The following CMC4 variants were observed in gnomAD, a reference collection of about 807,000 sequenced individuals.
The protein encoded by CMC4 is C-X9-C motif containing 4, also known as cx9C motif-containing protein 4.
Under a neutral mutation model 5.1 loss-of-function variants are expected in CMC4, and 4 were observed. The ratio of observed to expected loss-of-function variants is 0.78; its 90% CI spans 0.38 to 1.78. CMC4 has a LOEUF of 1.78. Among genes scored for constraint, CMC4 ranks in the 40% most tolerant of loss-of-function variants. The pLI, the probability that CMC4 is intolerant of heterozygous loss-of-function variation, is 0.04. For synonymous variants in CMC4, 23 were observed against 18.9 expected (o/e 1.22, Z -0.57); for missense variants, 52 against 51.3 (o/e 1.01, Z -0.04).
chrX:155,063,101 T>C (rs2073934659), intron 2 of CMC4, among the ~76,000 whole-genome samples: 1 of 112,336 alleles, frequency 8.9e-6, no homozygotes, highest in Admixed American at 9.4e-5. Context: ...TTCCTTAAAG[T>C]TGGAGGGAAG....
At chrX:155,068,151 A>G (rs1200968378) in intron 1 of CMC4, among the ~76,000 whole-genome samples, 1 of 112,654 alleles carries the variant, frequency 8.9e-6, no homozygotes, top group Non-Finnish European at 1.9e-5. Flanking sequence ...TCTCAATTTC[A>G]TAGATAGGTC....
intron 1 of CMC4, among the ~76,000 whole-genome samples, chrX:155,066,305 G>T (rs1385781117): frequency 1.8e-5 from 2 of 112,656 alleles, no homozygotes; most frequent in Non-Finnish European, 3.7e-5. Flanking sequence ...GAGGAGTTCT[G>T]TGGAAATGTA....
chrX:155,068,905 A>T (rs1213883601), intron 1 of CMC4, among the ~76,000 whole-genome samples: 2 of 112,468 alleles, frequency 1.8e-5, no homozygotes, highest in African/African-American at 6.5e-5. Context: ...AACTTGTGCA[A>T]CTCAACTCAA....
intron 1 of CMC4, 110 bp downstream of exon 1, chrX:155,070,584 A>G (rs1488337195): frequency 8.9e-6 from 1 of 112,761 alleles, no homozygotes; most frequent in Non-Finnish European, 1.9e-5. Flanking sequence ...CCTTCCCTGT[A>G]TCCAACAAAT....
chrX:155,063,389 T>C (rs781782979), intron 2 of CMC4, among the ~76,000 whole-genome samples: 1 of 112,528 alleles, frequency 8.9e-6, no homozygotes, highest in African/African-American at 3.2e-5. Flanking sequence ...GCCTTATAGC[T>C]TTTTCTATTT....
intron 1 of CMC4, chrX:155,065,948 G>A (rs2073946656): frequency 1.7e-6 from 2 of 1,210,336 alleles, no homozygotes; most frequent in Admixed American, 4.4e-5. Flanking sequence ...ATTCGTCGCG[G>A]TAGATACCCT....
intron 1 of CMC4, chrX:155,066,087 T>A (rs2073947305): frequency 1.2e-6 from 1 of 837,529 alleles, no homozygotes; most frequent in African/African-American, 2.0e-5. Flanking sequence ...GACACAGGTG[T>A]GACTTTTTGG....
At chrX:155,066,120 G>A in intron 1 of CMC4, 1 of 545,828 alleles carries the variant, frequency 1.8e-6, no homozygotes, top group Non-Finnish European at 3.0e-6. Context: ...TCACCAGTAA[G>A]CAAGGTGATC....
At chrX:155,069,941 C>T (rs782704231) in intron 1 of CMC4, among the ~76,000 whole-genome samples, 1 of 112,224 alleles carries the variant, frequency 8.9e-6, no homozygotes, top group South Asian at 3.7e-4. Flanking sequence ...GCATACTAGC[C>T]ACAAACAGTA....
intron 1 of CMC4, among the ~76,000 whole-genome samples, chrX:155,066,904 T>C (rs1291885789): frequency 8.9e-6 from 1 of 112,026 alleles, no homozygotes; most frequent in Non-Finnish European, 1.9e-5. Flanking sequence ...CCCAAAGCAT[T>C]TGAGTGGTAG....
intron 1 of CMC4, chrX:155,065,844 G>C: frequency 8.4e-7 from 1 of 1,195,631 alleles, no homozygotes; most frequent in Non-Finnish European, 1.1e-6. Context: ...TATTGAGACT[G>C]GAATAGAAAC....
At chrX:155,065,134 T>G in intron 1 of CMC4, 1 of 253,865 alleles carries the variant, frequency 3.9e-6, no homozygotes. Flanking sequence ...CCATTAAGGG[T>G]TCTATGGCAA....
intron 1 of CMC4, chrX:155,065,301 TC>T (rs1177253841): frequency 9.0e-6 from 4 of 444,863 alleles, no homozygotes; most frequent in Non-Finnish European, 1.2e-5. Context: ...ACCCACTCCC[TC>T]CCCCCAGGCC....
At chrX:155,064,466 A>G (rs1184352921) in intron 1 of CMC4, 2 of 113,495 alleles carry the variant, frequency 1.8e-5, no homozygotes, top group Non-Finnish European at 3.7e-5. Flanking sequence ...TATATAAAGT[A>G]CATACAATAG....
In CMC4 at chrX:155,061,892, A is replaced by G; in HGVS notation, c.158T>C (p.Phe53Ser). The G allele has an allele frequency of 1.7e-6, 2 of 1,210,899 alleles. No individual in the cohort carries two copies. The highest frequency in any genetic ancestry group is 2.2e-6 in the Non-Finnish European group (2 of 895,090). The change falls in exon 3 of 3, where the codon TTT becomes TCT. Residue 53 changes from phenylalanine (F) to serine (S), a missense_variant. Coordinates refer to ENST00000369484, the MANE Select transcript of CMC4 (RefSeq NM_001018024.3). ...PKGRSVVCSG[F>S]EKEEEENLTR... ...TAGGTTTTCTTCCTCTTCTTTTTCA[A>G]ATCCTGAACAGACGACAGATCTTCC...
At chrX:155,068,770 C>G (rs1237495703) in intron 1 of CMC4, among the ~76,000 whole-genome samples, 1 of 112,212 alleles carries the variant, frequency 8.9e-6, no homozygotes, top group Non-Finnish European at 1.9e-5. Flanking sequence ...ATTTATTTGA[C>G]TAGAGAACAT....
rs2073938760 is a variant in CMC4 at position 155,064,011 on chromosome X, CCTT to C, written c.10_12del (p.Lys4del). 1 of 1,191,776 alleles carries C rather than the reference CCTT, an allele frequency of 8.4e-7. No homozygotes were observed. Among genetic ancestry groups the C allele is most frequent in the South Asian group, 1.9e-5 (1 of 53,032 alleles). Reference sequence around the variant, plus strand: ...TCACAGGCTTGCTTCTGGCACGGATCCTTCTGCGGCATATCCAGAAAACTAAAA... The same window carrying C: ...TCACAGGCTTGCTTCTGGCACGGATCCTGCGGCATATCCAGAAAACTAAAA... On this transcript the variant is annotated inframe_deletion, in exon 2 of 3. Coordinates refer to ENST00000369484, the MANE Select transcript of CMC4 (RefSeq NM_001018024.3).
Position 155,071,096 on chromosome X carries a change from GAGGCGCCTGCCCAGGCGCCC to G in CMC4, c.-433_-414del, listed in dbSNP as rs1557292441. 9.0e-6 allele frequency: 1 copy of G among 111,029 alleles called. No individual in the cohort carries two copies. Among genetic ancestry groups the G allele is most frequent in the Non-Finnish European group, 1.9e-5 (1 of 52,496 alleles). 9.2% of individuals were successfully genotyped at this position (111,029 alleles called of 1,213,427 possible). A position where few individuals can be genotyped will look rare whatever the true frequency, so the allele number is the denominator to read the frequency against. On this transcript the variant is annotated 5_prime_UTR_variant, in exon 1 of 3. Coordinates refer to ENST00000369484, the MANE Select transcript of CMC4 (RefSeq NM_001018024.3). ...GGGCAAAATGGGCGCCGGTACTCGG[GAGGCGCCTGCCCAGGCGCCC>G]GGGCGCCGCTCACAGAGTACGTCCG...
At position 155,063,974 on chromosome X, in the gene CMC4, C is replaced by T. The variant is rs1251967823; in HGVS notation, c.50G>A (p.Cys17Tyr). ...CQKQACEIQK[C>Y]LQANSYMESK... ...ATTTTACAATATACTACCTTGTAAA[C>T]ATTTCTGTATCTCACAGGCTTGCTT... The change falls in exon 2 of 3, where the codon TGT (cysteine) becomes TAT (tyrosine). Residue 17 changes from cysteine (C) to tyrosine (Y), a missense_variant. Physicochemically the swap from Cys to Tyr is radical, Grantham distance 194. Coordinates refer to ENST00000369484, the MANE Select transcript of CMC4 (RefSeq NM_001018024.3). 2 of 1,192,823 alleles carry T rather than the reference C, an allele frequency of 1.7e-6. No homozygotes were observed. The highest frequency in any genetic ancestry group is 1.8e-5 in the African/African-American group (1 of 56,328).
Sources: allele counts gnomAD v4.1 joint callset (sites outside exome capture counted in the v4.1 genomes callset), GRCh38; gene constraint gnomAD v4.1.1; transcripts MANE v1.5; gene names NCBI Gene and HGNC (gene_info 2026-07-23, HGNC 2026-07-21).